Variants in BNC1 observed in about 807,000 individuals in gnomAD.
BNC1 encodes zinc finger protein basonuclin-1.
BNC1 carries 8 observed loss-of-function variants against 66.5 expected under a neutral mutation model. The observed-to-expected ratio is 0.12, with a 90% CI of 0.07 to 0.22. BNC1 has a LOEUF of 0.22. BNC1 is among the 10% of genes least tolerant of loss of function. BNC1 has a pLI of 1.00. For synonymous variants in BNC1, 454 were observed against 452.6 expected, an observed-to-expected ratio of 1.00 and a Z score of -0.04; for missense variants, 1,069 against 1,241.3, an observed-to-expected ratio of 0.86 and a Z score of 2.09.
At position 83,257,976 on chromosome 15, in the gene BNC1, T is replaced by C. The variant is rs560040998; in HGVS notation, c.2451A>G (p.Thr817=). 24 of 1,614,094 alleles carry C rather than the reference T, an allele frequency of 1.5e-5. No individual in the cohort carries two copies. In the South Asian group the frequency reaches 2.0e-4, roughly 13 times the overall value. The stretch of plus-strand genomic sequence containing the variant: ...GACTTGTTCCTTTGAAGATGACAGA[T>C]GTCTGGGAGGCTTGCTGTGTAAAAG... ...DVAFTQQASQ[T]SVIFKGTSRM... is the part of the protein sequence containing the mutation. The change falls in exon 5 of 5, where the codon ACA becomes ACG. Residue 817 remains threonine, a synonymous_variant. Transcript: ENST00000345382.
intron 3 of BNC1, 36 bp from the exon 4 acceptor site, chr15:83,264,851 T>A (rs1328263443): frequency 1.9e-6 from 3 of 1,580,360 alleles, no homozygotes; most frequent in Non-Finnish European, 2.6e-6. Context: ...TGTGATCAAT[T>A]TACAACTCCT....
chr15:83,266,763 C>A, intron 3 of BNC1, 73 bp downstream of exon 3: 1 of 1,349,158 alleles, frequency 7.4e-7, no homozygotes, highest in Non-Finnish European at 1.1e-6. Flanking sequence ...TGGGAGGTAA[C>A]TGGGTTACGT....
chr15:83,265,701 T>A (rs190446707), intron 3 of BNC1, among the ~76,000 whole-genome samples: 2 of 152,240 alleles, frequency 1.3e-5, no homozygotes, highest in Non-Finnish European at 2.9e-5. Context: ...CAGGGGAAGA[T>A]TATGGTCTTT....
chr15:83,261,159 T>C (rs1308637203), intron 4 of BNC1, among the ~76,000 whole-genome samples: 2 of 152,236 alleles, frequency 1.3e-5, no homozygotes, highest in African/African-American at 2.4e-5. Flanking sequence ...TGACTGTCTC[T>C]GTAGCAACAG....
intron 1 of BNC1, among the ~76,000 whole-genome samples, chr15:83,269,234 A>G (rs2038246686): frequency 6.6e-6 from 1 of 152,194 alleles, no homozygotes; most frequent in Non-Finnish European, 1.5e-5. Context: ...AAAAAAACAA[A>G]AACAACAATG....
At chr15:83,275,627 G>C (rs2038313382) in intron 1 of BNC1, among the ~76,000 whole-genome samples, 1 of 152,190 alleles carries the variant, frequency 6.6e-6, no homozygotes, top group Non-Finnish European at 1.5e-5. Context: ...CATGTGAATT[G>C]AGTCCCAAGG....
At chr15:83,275,958 C>T (rs1476522439) in intron 1 of BNC1, among the ~76,000 whole-genome samples, 1 of 151,996 alleles carries the variant, frequency 6.6e-6, no homozygotes, top group East Asian at 1.9e-4. Flanking sequence ...CTGGGGAGCC[C>T]GAGCCCCTTC....
At position 83,266,818 on chromosome 15, in the gene BNC1, T is replaced by C. The variant is rs751559518; in HGVS notation, c.435+18A>G. 2.2e-5 allele frequency: 35 copies of C among 1,606,148 alleles called. No individual in the cohort carries two copies. Among genetic ancestry groups the C allele is most frequent in the Non-Finnish European group, 2.7e-5 (32 of 1,172,868 alleles). On this transcript the variant is annotated intron_variant, in intron 3 of 4. Transcript: ENST00000345382. ...TTCAGAAAGCACCCTAGGAGGACAATGTTCATGTTTACTGTACCTGCAGTA... is the reference window on the plus strand; with the variant it reads ...TTCAGAAAGCACCCTAGGAGGACAACGTTCATGTTTACTGTACCTGCAGTA...
chr15:83,276,264 GC>G lies in BNC1; in HGVS notation c.100-8033del, dbSNP rs533696847. Among the ~76,000 whole-genome samples, 27 of 152,300 alleles carry G rather than the reference GC, an allele frequency of 1.8e-4. No individual in the cohort carries two copies. The South Asian group carries it at 5.0e-3, about 28-fold the overall frequency. ...TTCTGGGCTCTGGTTGTCCGACTCT[GC>G]ACAGAGCTACCAAAAATATCTAAGG... is the stretch of plus-strand genomic sequence containing the variant. On this transcript the variant is annotated intron_variant, in intron 1 of 4. Transcript: ENST00000345382.
rs2038081993 is a variant in BNC1 at position 83,257,086 on chromosome 15, C to T, written c.*356G>A. ...CCCTTCTTATCCAAGACCTTTAACA[C>T]TGCAAGCCTCATTTAAAGCCACCCC... is the stretch of plus-strand genomic sequence containing the variant. On this transcript the variant is annotated 3_prime_UTR_variant, in exon 5 of 5. Coordinates refer to ENST00000345382, the MANE Select transcript of BNC1 (RefSeq NM_001717.4). 1 of 278,304 alleles carries T rather than the reference C, an allele frequency of 3.6e-6. No individual in the cohort carries two copies. The highest frequency in any genetic ancestry group is 9.0e-5 in the East Asian group (1 of 11,158). The allele number at this position is 278,304 out of a possible 1,614,324, so 17.2% of individuals were successfully genotyped here. A position where few individuals can be genotyped will look rare whatever the true frequency, so the allele number is the denominator to read the frequency against.
intron 4 of BNC1, among the ~76,000 whole-genome samples, chr15:83,262,151 G>A (rs529486626): frequency 6.7e-6 from 1 of 149,054 alleles, no homozygotes; most frequent in South Asian, 2.1e-4. Flanking sequence ...GGGTTCAAAC[G>A]TTTCTCCTGC....
chr15:83,276,814 G>A (rs1217015134), intron 1 of BNC1, among the ~76,000 whole-genome samples: 1 of 152,198 alleles, frequency 6.6e-6, no homozygotes, highest in Non-Finnish European at 1.5e-5. Flanking sequence ...TTAATTTGCA[G>A]CCAAATGCAG....
At chr15:83,269,894 A>G (rs1338917489) in intron 1 of BNC1, among the ~76,000 whole-genome samples, 1 of 152,256 alleles carries the variant, frequency 6.6e-6, no homozygotes, top group Non-Finnish European at 1.5e-5. Context: ...TGAACAATAA[A>G]AAGTAATGAA....
Position 83,263,824 on chromosome 15 carries a change from C to T in BNC1, c.1427G>A (p.Gly476Asp), listed in dbSNP as rs759842765. 1.2e-6 allele frequency: 2 copies of T among 1,614,146 alleles called. No individual in the cohort carries two copies. Among genetic ancestry groups the T allele is most frequent in the Non-Finnish European group, 1.7e-6 (2 of 1,180,038 alleles). ...TGTCTTTAGGTTGGGAAAAAGCACA[C>T]CATTTTGCCCAATGTTTGGGAAGGC... ...QPAFPNIGQN[G>D]VLFPNLKTVQ... Residue 476 changes from glycine to aspartate, a missense_variant, in exon 4 of 5, where the codon GGT (glycine) becomes GAT (aspartate). This residue lies in a region of BNC1 where 657 missense variants were observed against 715.8 expected (regional missense o/e 0.92). Coordinates refer to ENST00000345382, the MANE Select transcript of BNC1 (RefSeq NM_001717.4).
Position 83,283,588 on chromosome 15 carries a change from G to T in BNC1, c.99+942C>A, listed in dbSNP as rs929830652. ...GGCGCTTCCCATGCAAACCCCTGAA[G>T]GAAGCGGCAGGCGCAGCCGCGGGCT... On this transcript the variant is annotated intron_variant, in intron 1 of 4. Transcript: ENST00000345382. 1.3e-5 allele frequency: 11 copies of T among 871,418 alleles called. 1 individual carries two copies. In the Admixed American group the frequency reaches 4.3e-4, roughly 34 times the overall value. The allele number at this position is 871,418 out of a possible 1,614,324, so 54.0% of individuals were successfully genotyped here. A position where few individuals can be genotyped will look rare whatever the true frequency, so the allele number is the denominator to read the frequency against.
At chr15:83,284,264 C>T (rs2038419089) in intron 1 of BNC1, among the ~76,000 whole-genome samples, 1 of 152,046 alleles carries the variant, frequency 6.6e-6, no homozygotes, top group African/African-American at 2.4e-5. Context: ...TCCGACGCGC[C>T]CGCAGATCCG....
At chr15:83,264,910 T>C (rs1430109102) in intron 3 of BNC1, 95 bp from the exon 4 acceptor site, 2 of 1,297,380 alleles carry the variant, frequency 1.5e-6, no homozygotes, top group Admixed American at 4.6e-5. Flanking sequence ...GATACTTTTG[T>C]GCATATAGGA....
At chr15:83,274,578 T>C (rs908099006) in intron 1 of BNC1, among the ~76,000 whole-genome samples, 1 of 152,184 alleles carries the variant, frequency 6.6e-6, no homozygotes, top group African/African-American at 2.4e-5. Flanking sequence ...CCTTCCAGCA[T>C]CTGCTTTTTG....
intron 4 of BNC1, among the ~76,000 whole-genome samples, chr15:83,260,081 G>C (rs1209507975): frequency 6.6e-6 from 1 of 152,132 alleles, no homozygotes; most frequent in Non-Finnish European, 1.5e-5. Flanking sequence ...CCTTTCAGGG[G>C]GTTCCTGAAG....
Sources: allele counts gnomAD v4.1 joint callset (sites outside exome capture counted in the v4.1 genomes callset), GRCh38; gene constraint gnomAD v4.1.1; regional missense constraint gnomAD v4.1.1; transcripts MANE v1.5; gene names NCBI Gene and HGNC (gene_info 2026-07-23, HGNC 2026-07-21).